The following CEP89 variants were observed in gnomAD, a reference collection of about 807,000 sequenced individuals.
The protein encoded by CEP89 is centrosomal protein 89, also known as centrosomal protein of 89 kDa.
CEP89 carries 95 observed loss-of-function variants against 97.6 expected under a neutral mutation model. That is an observed-to-expected ratio of 0.97 (90% CI 0.82 to 1.15). The LOEUF (loss-of-function observed/expected upper bound fraction) is 1.15, where lower values mean the gene tolerates loss of function less well. CEP89 is among the 50% of genes most tolerant of loss of function. CEP89 has a pLI of 0.00. For missense variants in CEP89, 869 were observed against 947.7 expected (o/e 0.92, Z 1.09); for synonymous variants, 354 against 349.1 (o/e 1.01, Z -0.16).
chr19:32,951,474 A>G (rs1046123337), intron 4 of CEP89, among the ~76,000 whole-genome samples: 1 of 151,490 alleles, frequency 6.6e-6, no homozygotes, highest in Non-Finnish European at 1.5e-5. Context: ...CGACAGAGCA[A>G]GACTCTGTCT....
intron 16 of CEP89, among the ~76,000 whole-genome samples, chr19:32,892,981 ACACAAAACAAC>A (rs556361162): frequency 6.6e-6 from 1 of 152,292 alleles, no homozygotes; most frequent in East Asian, 1.9e-4. Flanking sequence ...GAAAAATGAT[ACACAAAACAAC>A]CAGAAAACAA....
chr19:32,955,044 G>T lies in CEP89; in HGVS notation c.306-1243C>A, dbSNP rs145046735. 2.8e-3 allele frequency among the ~76,000 whole-genome samples: 428 copies of T among 152,018 alleles called. 3 individuals are homozygous for T. Among genetic ancestry groups the T allele is most frequent in the African/African-American group, 9.7e-3 (400 of 41,444 alleles). ...CTGCCACACAGGCTGGAATGCAGAG[G>T]TGCAATCTTGGCTTACTGCAGCATC... On this transcript the variant is annotated intron_variant, in intron 3 of 18. Transcript: ENST00000305768.
rs139943993 is a variant in CEP89, at chr19:32,900,628, A to G, written c.1733+617T>C. Among the ~76,000 whole-genome samples, 428 of 152,228 alleles carry G rather than the reference A, an allele frequency of 2.8e-3. 3 individuals carry two copies. The highest frequency in any genetic ancestry group is 9.6e-3 in the African/African-American group (400 of 41,542). ...TATGTTCTAAAAGGCACTTTCGAAA[A>G]AAAGATCCAGAAATTCCAAAGTAGA... On this transcript the variant is annotated intron_variant, in intron 15 of 18. Coordinates refer to ENST00000305768, the MANE Select transcript of CEP89 (RefSeq NM_032816.5).
Position 32,878,972 on chromosome 19 carries a change from A to AT in CEP89, c.*189_*190insA. On this transcript the variant is annotated 3_prime_UTR_variant, in exon 19 of 19. Coordinates refer to ENST00000305768, the MANE Select transcript of CEP89 (RefSeq NM_032816.5). Reference sequence around the variant, plus strand: ...GTGAGACCCTAGCTCTAAAAAAAAAAAAAAATTAAAAAATAAAGCAAAATG... The same window carrying AT: ...GTGAGACCCTAGCTCTAAAAAAAAAATAAAAATTAAAAAATAAAGCAAAATG... The AT allele has an allele frequency of 6.4e-6, 3 of 465,818 alleles. No homozygotes were observed. The highest frequency in any genetic ancestry group is 1.1e-4 in the South Asian group (2 of 18,938). The allele number at this position is 465,818 out of a possible 1,614,324, so 28.9% of individuals were successfully genotyped here.
chr19:32,970,994 C>G (rs1204775844), intron 1 of CEP89: 1 of 152,210 alleles, frequency 6.6e-6, no homozygotes, highest in Non-Finnish European at 1.5e-5. Context: ...GTACTCCAGC[C>G]TGGGCATCAG....
At chr19:32,961,386 T>C (rs1342460231) in intron 2 of CEP89, among the ~76,000 whole-genome samples, 1 of 146,802 alleles carries the variant, frequency 6.8e-6, no homozygotes, top group Non-Finnish European at 1.5e-5. Flanking sequence ...CTGGCCAACA[T>C]GGTGAAACCC....
chr19:32,948,833 T>C (rs1000757421), intron 4 of CEP89, among the ~76,000 whole-genome samples: 2 of 152,006 alleles, frequency 1.3e-5, no homozygotes, highest in Admixed American at 6.6e-5. Flanking sequence ...CAAGCGATCC[T>C]CTCACTTCAG....
chr19:32,913,970 C>A (rs1970067882), intron 14 of CEP89, among the ~76,000 whole-genome samples: 2 of 152,074 alleles, frequency 1.3e-5, no homozygotes, highest in African/African-American at 4.8e-5. Flanking sequence ...AAATTGTAAT[C>A]ATTTTCTATG....
intron 14 of CEP89, among the ~76,000 whole-genome samples, chr19:32,906,161 C>A (rs1329372418): frequency 6.6e-6 from 1 of 152,154 alleles, no homozygotes; most frequent in Non-Finnish European, 1.5e-5. Flanking sequence ...CATTCTTTGT[C>A]TTTTAACTGG....
intron 16 of CEP89, among the ~76,000 whole-genome samples, chr19:32,890,230 T>C (rs1475720586): frequency 6.6e-6 from 1 of 152,128 alleles, no homozygotes; most frequent in African/African-American, 2.4e-5. Flanking sequence ...AAATCCCGTC[T>C]CTACCTAAAC....
At chr19:32,882,317 C>A (rs1198645817) in intron 17 of CEP89, among the ~76,000 whole-genome samples, 1 of 152,138 alleles carries the variant, frequency 6.6e-6, no homozygotes, top group African/African-American at 2.4e-5. Context: ...AATTTCAGCA[C>A]TATTACAGGC....
chr19:32,905,221 G>A (rs1204127084), intron 14 of CEP89, among the ~76,000 whole-genome samples: 3 of 152,118 alleles, frequency 2.0e-5, no homozygotes, highest in Non-Finnish European at 2.9e-5. Context: ...GATCTTTATT[G>A]TAGCTGTATT....
intron 3 of CEP89, among the ~76,000 whole-genome samples, chr19:32,958,083 T>C (rs1971088385): frequency 6.6e-6 from 1 of 151,286 alleles, no homozygotes; most frequent in South Asian, 2.1e-4. Flanking sequence ...CCATCTCCTC[T>C]GATGGTCTTA....
chr19:32,938,842 C>T (rs1472907523), intron 6 of CEP89, among the ~76,000 whole-genome samples: 5 of 152,076 alleles, frequency 3.3e-5, no homozygotes, highest in African/African-American at 7.2e-5. Context: ...CCTAGCTACT[C>T]GGGAGGATGA....
In CEP89 at chr19:32,967,660, G is replaced by T. The variant is rs539137729; in HGVS notation, c.40-1194C>A. On this transcript the variant is annotated intron_variant, in intron 1 of 18. Coordinates refer to ENST00000305768, the MANE Select transcript of CEP89 (RefSeq NM_032816.5). ...CTGGGAATTTCAAATGCTTTCCTTC[G>T]AGAAAATCACACAGGCGTTTAGACT... 3.9e-5 allele frequency among the ~76,000 whole-genome samples: 6 copies of T among 152,338 alleles called. No individual in the cohort carries two copies. In the South Asian group the frequency reaches 1.0e-3, roughly 26 times the overall value.
chr19:32,952,646 G>A (rs966853497), intron 4 of CEP89, among the ~76,000 whole-genome samples: 3 of 152,068 alleles, frequency 2.0e-5, no homozygotes, highest in African/African-American at 7.2e-5. Flanking sequence ...GCTCACACCT[G>A]TAATCCAGGT....
chr19:32,901,441 A>G lies in CEP89; in HGVS notation c.1566-29T>C, dbSNP rs757694328. 5 of 1,600,314 alleles carry G rather than the reference A, an allele frequency of 3.1e-6. No individual in the cohort carries two copies. The South Asian group carries it at 3.4e-5, about 11-fold the overall frequency. On this transcript the variant is annotated intron_variant, in intron 14 of 18. Coordinates refer to ENST00000305768, the MANE Select transcript of CEP89 (RefSeq NM_032816.5). Reference sequence around the variant, plus strand: ...AAGGACAAAAACATTACATGCTCGTATCCAGCACAATGAAGCTAAAATGGG... The same window carrying G: ...AAGGACAAAAACATTACATGCTCGTGTCCAGCACAATGAAGCTAAAATGGG...
chr19:32,951,922 T>C (rs1026974220), intron 4 of CEP89, among the ~76,000 whole-genome samples: 7 of 152,082 alleles, frequency 4.6e-5, no homozygotes, highest in Non-Finnish European at 7.4e-5. Context: ...TGGAGAGATA[T>C]GACTCTATGT....
In CEP89 at chr19:32,959,796, C is replaced by T. The variant is rs552539507; in HGVS notation, c.305+104G>A. The T allele has an allele frequency of 8.9e-6, 11 of 1,239,192 alleles. No individual in the cohort carries two copies. The East Asian group carries it at 2.7e-4, about 31-fold the overall frequency. 76.8% of individuals were successfully genotyped at this position (1,239,192 alleles called of 1,614,324 possible). ...GAGCACCCACGCACCCACACAGGTA[C>T]ACATGCACACACATGTACGCATGCA... On this transcript the variant is annotated intron_variant, in intron 3 of 18. Transcript: ENST00000305768.
Sources: gnomAD v4.1 joint callset for allele counts (sites outside exome capture counted in the v4.1 genomes callset) on GRCh38, gnomAD v4.1.1 for gene constraint, MANE v1.5 for transcripts, NCBI Gene and HGNC (gene_info 2026-07-23, HGNC 2026-07-21) for gene names.